BACH2: variants seen among roughly 807,000 people sequenced by gnomAD.
BACH2 encodes BACH transcriptional regulator 2.
A neutral mutation model predicts 61.8 loss-of-function variants in BACH2; 5 were observed. The observed-to-expected ratio is 0.08, with a 90% CI of 0.04 to 0.17. The LOEUF is 0.17. Ranked by LOEUF, BACH2 falls within the 10% of genes least tolerant of loss-of-function variation. The probability of loss-of-function intolerance (pLI) is 1.00; values close to 1 mark genes in which losing one functional copy is unlikely to be tolerated. For synonymous variants in BACH2, 446 were observed against 440.1 expected (o/e 1.01, Z -0.17); for missense variants, 824 against 1,091.1 (o/e 0.76, Z 3.45).
rs367962824 is a variant in BACH2 at position 90,094,386 on chromosome 6, T to C, written c.-161-5277A>G. ...AGGAAACTACAGGTGAAAATATTTC[T>C]ATTTACATTACAAATCTAATACCAA... On this transcript the variant is annotated intron_variant, in intron 4 of 8. Transcript: ENST00000257749. 4.7e-4 allele frequency among the ~76,000 whole-genome samples: 72 copies of C among 152,350 alleles called. No homozygotes were observed. The South Asian group carries it at 0.011, about 23-fold the overall frequency.
At position 90,008,834 on chromosome 6, in the gene BACH2, T is replaced by C. The variant is rs1419275988; in HGVS notation, c.11A>G (p.Asp4Gly). Residue 4 changes from aspartate (D) to glycine (G), a missense_variant, in exon 6 of 9, where the codon GAT becomes GGT. By Grantham distance (94) the Asp-to-Gly change is moderately conservative. This residue lies in a region of BACH2 where 66 missense variants were observed against 144.8 expected (regional missense o/e 0.46). Transcript: ENST00000257749. The surrounding 1 kb of genome is among the most constrained non-coding windows in gnomAD (Gnocchi z 4.1). MSV[D>G]EKPDSPMYVY... ...ATACATGGGGGAGTCAGGCTTCTCA[T>C]CCACAGACATGCCGTTCACACCCTG... 1.2e-6 allele frequency: 2 copies of C among 1,613,682 alleles called. No individual in the cohort carries two copies. Among genetic ancestry groups the C allele is most frequent in the South Asian group, 2.2e-5 (2 of 91,062 alleles).
intron 3 of BACH2, among the ~76,000 whole-genome samples, chr6:90,244,082 C>T (rs967925922): frequency 7.9e-5 from 12 of 152,044 alleles, no homozygotes; most frequent in South Asian, 2.1e-4. Context: ...CCACCACACC[C>T]GGCTAATTTT....
intron 4 of BACH2, among the ~76,000 whole-genome samples, chr6:90,149,603 T>C (rs1208692955): frequency 6.6e-6 from 1 of 152,094 alleles, no homozygotes; most frequent in Non-Finnish European, 1.5e-5. Flanking sequence ...AAACGAAACA[T>C]TCAAAAGGAT....
At chr6:90,159,897 A>T (rs188182728) in intron 4 of BACH2, among the ~76,000 whole-genome samples, 1 of 152,338 alleles carries the variant, frequency 6.6e-6, no homozygotes, top group East Asian at 1.9e-4. Context: ...AAAACTGACA[A>T]TAAAAGATTA....
At chr6:90,186,055 C>A (rs57092243) in intron 4 of BACH2, among the ~76,000 whole-genome samples, 1,655 of 152,208 alleles carry the variant, frequency 0.011, 14 homozygotes, top group African/African-American at 0.031. Context: ...ATAGAAGAGA[C>A]CGATCCTCTA....
intron 4 of BACH2, among the ~76,000 whole-genome samples, chr6:90,123,841 C>T (rs1783740731): frequency 1.4e-5 from 2 of 147,678 alleles, no homozygotes; most frequent in African/African-American, 2.5e-5. Flanking sequence ...AAATAGAAAT[C>T]TTATGTGAGA....
chr6:89,979,745 G>A lies in BACH2; in HGVS notation c.244-27883C>T, dbSNP rs1221804394. The stretch of plus-strand genomic sequence containing the variant: ...CTATACAGATATGAGTTTGGGAGCT[G>A]ACTTAGGAAACTAACCATTACTCAT... On this transcript the variant is annotated intron_variant, in intron 6 of 8. Transcript: ENST00000257749. Among the ~76,000 whole-genome samples the A allele has an allele frequency of 2.6e-5, 4 of 152,208 alleles. No homozygotes were observed. The South Asian group carries it at 6.2e-4, about 24-fold the overall frequency.
intron 3 of BACH2, among the ~76,000 whole-genome samples, chr6:90,230,087 GGTGTGGTTAT>G (rs2127859768): frequency 6.6e-6 from 1 of 152,328 alleles, no homozygotes; most frequent in East Asian, 1.9e-4. Flanking sequence ...AAGTTCCCCA[GGTGTGGTTAT>G]GTCATATGAG....
At chr6:90,128,235 C>A (rs928663167) in intron 4 of BACH2, among the ~76,000 whole-genome samples, 2 of 152,172 alleles carry the variant, frequency 1.3e-5, no homozygotes, top group Non-Finnish European at 2.9e-5. Flanking sequence ...TTAAGGTATT[C>A]ATCCTACTAG....
intron 3 of BACH2, among the ~76,000 whole-genome samples, chr6:90,208,612 A>G (rs1354588946): frequency 4.6e-5 from 7 of 152,252 alleles, no homozygotes; most frequent in East Asian, 1.9e-4. Flanking sequence ...GTGGGAGTGT[A>G]AATTAGTTCA....
rs956897586 is a variant in BACH2 at position 89,951,664 on chromosome 6, C to T, written c.442G>A (p.Ala148Thr). ...DGLFVCRKDA[A>T]CQRPHEDCEN... ...CAGTCCTCGTGTGGGCGCTGGCACG[C>T]AGCATCCTTCCGGCACACAAACAGG... is the stretch of plus-strand genomic sequence containing the variant. The change falls in exon 7 of 9, where the codon GCG (alanine) becomes ACG (threonine). Residue 148 changes from alanine (A) to threonine (T), a missense_variant. By Grantham distance (58) the Ala-to-Thr change is moderately conservative. Transcript: ENST00000257749. The surrounding 1 kb of genome is among the most constrained non-coding windows in gnomAD (Gnocchi z 6.4). 1 of 1,614,238 alleles carries T rather than the reference C, an allele frequency of 6.2e-7. No individual in the cohort carries two copies. The highest frequency in any genetic ancestry group is 1.3e-5 in the African/African-American group (1 of 75,066).
At chr6:89,940,406 G>A (rs990354538) in intron 7 of BACH2, among the ~76,000 whole-genome samples, 1 of 152,192 alleles carries the variant, frequency 6.6e-6, no homozygotes, top group African/African-American at 2.4e-5. Context: ...TATCTCAAGA[G>A]CCTCCTTGGC....
At chr6:90,182,875 G>A (rs771480828) in intron 4 of BACH2, among the ~76,000 whole-genome samples, 17 of 152,154 alleles carry the variant, frequency 1.1e-4, no homozygotes, top group Non-Finnish European at 1.9e-4. Flanking sequence ...AAGTTTATGG[G>A]AATAATAATT....
Position 90,296,588 on chromosome 6 carries a change from G to C in BACH2, c.-554C>G, listed in dbSNP as rs1562549139. ...GTGGGCAGTTCGTGGGTCACCGAAA[G>C]CTCGCGGAGGGGACGCGCATCACAT... On this transcript the variant is annotated 5_prime_UTR_variant, in exon 1 of 9. Coordinates refer to ENST00000257749, the MANE Select transcript of BACH2 (RefSeq NM_021813.4). 14 of 151,834 alleles carry C rather than the reference G, an allele frequency of 9.2e-5. No individual in the cohort carries two copies. The highest frequency in any genetic ancestry group is 3.4e-3 in the Middle Eastern group (1 of 290). The allele number at this position is 151,834 out of a possible 1,614,324, so 9.4% of individuals were successfully genotyped here.
chr6:90,258,687 G>A (rs1771061892), intron 2 of BACH2, among the ~76,000 whole-genome samples: 1 of 152,040 alleles, frequency 6.6e-6, no homozygotes, highest in Non-Finnish European at 1.5e-5. Flanking sequence ...TAATTCTTCT[G>A]ATCCATGAGC....
chr6:90,296,378 T>C (rs1772389889), intron 1 of BACH2, 102 bp downstream of exon 1: 1 of 149,954 alleles, frequency 6.7e-6, no homozygotes, highest in Admixed American at 6.6e-5. Flanking sequence ...CCGCGCCGTT[T>C]CCCCACGCCT....
At chr6:90,271,070 T>C (rs1562535993) in intron 2 of BACH2, among the ~76,000 whole-genome samples, 1 of 152,004 alleles carries the variant, frequency 6.6e-6, no homozygotes, top group Non-Finnish European at 1.5e-5. Context: ...TATACAAAAA[T>C]CAACTCAAGA....
chr6:90,058,090 C>T (rs567899902), intron 5 of BACH2, among the ~76,000 whole-genome samples: 182 of 152,256 alleles, frequency 1.2e-3, no homozygotes, highest in African/African-American at 3.8e-3. Flanking sequence ...TCTCACCACT[C>T]CTATTCAACA....
In BACH2 at chr6:90,091,305, G is replaced by A. The variant is rs186933029; in HGVS notation, c.-161-2196C>T. 1.2e-3 allele frequency among the ~76,000 whole-genome samples: 178 copies of A among 152,232 alleles called. 1 individual carries two copies. Among genetic ancestry groups the A allele is most frequent in the African/African-American group, 4.1e-3 (170 of 41,546 alleles). The stretch of plus-strand genomic sequence containing the variant: ...CCCTTTGAAAGTCCTATATTGACAC[G>A]GGGAAGGCTATAGCTCTTTGAGCAC... On this transcript the variant is annotated intron_variant, in intron 4 of 8. Transcript: ENST00000257749.
Sources: gnomAD v4.1 joint callset for allele counts (sites outside exome capture counted in the v4.1 genomes callset) on GRCh38, gnomAD v4.1.1 for gene constraint, gnomAD v4.1.1 regional missense constraint, Gnocchi (gnomAD v3.1) non-coding constraint, MANE v1.5 for transcripts, NCBI Gene and HGNC (gene_info 2026-07-23, HGNC 2026-07-21) for gene names.